NEDD4L: variants seen among roughly 807,000 people sequenced by gnomAD.
The protein encoded by NEDD4L is NEDD4 like E3 ubiquitin protein ligase.
NEDD4L carries 54 observed loss-of-function variants against 148.9 expected under a neutral mutation model. The observed-to-expected ratio is 0.36, with a 90% CI of 0.29 to 0.45. The LOEUF is 0.45. Ranked by LOEUF, NEDD4L falls within the 20% of genes least tolerant of loss-of-function variation. NEDD4L has a pLI of 1.00. For synonymous variants in NEDD4L, 433 were observed against 440.7 expected (o/e 0.98, Z 0.22); for missense variants, 856 against 1,233.8 (o/e 0.69, Z 4.59).
Position 58,044,492 on chromosome 18 carries a change from C to A in NEDD4L, c.-169C>A. 2 of 838,612 alleles carry A rather than the reference C, an allele frequency of 2.4e-6. No individual in the cohort carries two copies. Among genetic ancestry groups the A allele is most frequent in the Non-Finnish European group, 3.2e-6 (2 of 625,566 alleles). The allele number at this position is 838,612 out of a possible 1,614,324, so 51.9% of individuals were successfully genotyped here. On this transcript the variant is annotated 5_prime_UTR_variant, in exon 1 of 31. Coordinates refer to ENST00000400345, the MANE Select transcript of NEDD4L (RefSeq NM_001144967.3). ...GAAGCGGTGCCGGCAGCGTCCAGGG[C>A]GCGCTCTCGGGCACCCTCACCTGCC...
rs1475141946 is a variant in NEDD4L, at chr18:58,398,365, G to C, written c.*2096G>C. 1 of 151,930 alleles carries C rather than the reference G, an allele frequency of 6.6e-6. No homozygotes were observed. Among genetic ancestry groups the C allele is most frequent in the Non-Finnish European group, 1.5e-5 (1 of 67,994 alleles). The allele number at this position is 151,930 out of a possible 1,614,324, so 9.4% of individuals were successfully genotyped here. On this transcript the variant is annotated 3_prime_UTR_variant, in exon 31 of 31. Coordinates refer to ENST00000400345, the MANE Select transcript of NEDD4L (RefSeq NM_001144967.3). ...CGAGCAGTATGCTTTCTTGGTTTTT[G>C]AGAGTAATTGTGTAATTGTAGAGGG...
intron 24 of NEDD4L, among the ~76,000 whole-genome samples, chr18:58,375,178 G>A (rs762004718): frequency 5.3e-5 from 8 of 151,874 alleles, no homozygotes; most frequent in East Asian, 1.9e-4. Context: ...GCTGTGCCCC[G>A]TGACTCCCCG....
rs192551135 is a variant in NEDD4L, at chr18:58,170,089, G to A, written c.122+4228G>A. ...CCAACAGATTGCATGAAGTGAGCCC[G>A]TTCTTCCTCCCTCTCTCCTTCCCTC... On this transcript the variant is annotated intron_variant, in intron 2 of 30. Transcript: ENST00000400345. Among the ~76,000 whole-genome samples the A allele has an allele frequency of 7.7e-4, 117 of 152,196 alleles. 1 individual carries two copies. The highest frequency in any genetic ancestry group is 2.6e-3 in the African/African-American group (107 of 41,512).
intron 9 of NEDD4L, among the ~76,000 whole-genome samples, chr18:58,328,336 G>C (rs1358651942): frequency 6.6e-6 from 1 of 152,186 alleles, no homozygotes; most frequent in African/African-American, 2.4e-5. Flanking sequence ...AAAAAATAGG[G>C]TATGATGTTT....
chr18:58,344,067 T>C (rs1318173191), intron 16 of NEDD4L, among the ~76,000 whole-genome samples: 1 of 152,234 alleles, frequency 6.6e-6, no homozygotes, highest in East Asian at 1.9e-4. Flanking sequence ...ATGGGAATGC[T>C]GGTTGAGTTT....
chr18:58,083,230 A>G (rs1167265066), intron 1 of NEDD4L, among the ~76,000 whole-genome samples: 1 of 152,258 alleles, frequency 6.6e-6, no homozygotes, highest in African/African-American at 2.4e-5. Flanking sequence ...GGTTCACAGT[A>G]ACATGATAAT....
intron 1 of NEDD4L, among the ~76,000 whole-genome samples, chr18:58,101,524 A>G (rs2084751577): frequency 6.6e-6 from 1 of 151,930 alleles, no homozygotes; most frequent in South Asian, 2.1e-4. Context: ...TCCAATAAGT[A>G]TTTCTCGGTT....
intron 11 of NEDD4L, 112 bp from the exon 12 acceptor site, chr18:58,333,706 T>A: frequency 1.4e-6 from 1 of 736,844 alleles, no homozygotes. Flanking sequence ...TTTAATTACC[T>A]TCTAATATCG....
chr18:58,219,556 G>T (rs1182280390), intron 2 of NEDD4L, among the ~76,000 whole-genome samples: 1 of 152,156 alleles, frequency 6.6e-6, no homozygotes, highest in African/African-American at 2.4e-5. Flanking sequence ...GATGAAGCAG[G>T]ATTGGCTTCT....
intron 11 of NEDD4L, among the ~76,000 whole-genome samples, chr18:58,331,331 A>G (rs554051864): frequency 3.9e-5 from 6 of 152,210 alleles, no homozygotes; most frequent in Non-Finnish European, 7.3e-5. Flanking sequence ...CTCTTAAGTC[A>G]TATTCTGCAG....
chr18:58,287,231 A>C (rs2054059658), intron 5 of NEDD4L, among the ~76,000 whole-genome samples: 1 of 152,198 alleles, frequency 6.6e-6, no homozygotes. Context: ...ACCCAGCACG[A>C]AATTCCAGGC....
intron 1 of NEDD4L, among the ~76,000 whole-genome samples, chr18:58,123,718 C>T (rs2030449686): frequency 6.6e-6 from 1 of 152,128 alleles, no homozygotes; most frequent in African/African-American, 2.4e-5. Flanking sequence ...TCCACACCTC[C>T]CATCATTCTC....
chr18:58,342,585 C>T (rs1042776879), intron 15 of NEDD4L, among the ~76,000 whole-genome samples: 1 of 152,146 alleles, frequency 6.6e-6, no homozygotes, highest in Non-Finnish European at 1.5e-5. Context: ...AGACTGTGAG[C>T]TCATTAAGAG....
chr18:58,149,492 G>C (rs2034444525), intron 1 of NEDD4L: 4 of 1,550,838 alleles, frequency 2.6e-6, no homozygotes, highest in African/African-American at 1.4e-5. Context: ...GAGTTTTCCA[G>C]CTTTCCTTTA....
chr18:58,252,133 T>G, intron 5 of NEDD4L, 79 bp downstream of exon 5: 1 of 915,940 alleles, frequency 1.1e-6, no homozygotes, highest in South Asian at 1.3e-5. Flanking sequence ...TAAAACTCTG[T>G]GTTTATGTTG....
rs554908151 is a variant in NEDD4L at position 58,318,424 on chromosome 18, G to A, written c.348+2392G>A. Among the ~76,000 whole-genome samples the A allele has an allele frequency of 3.3e-5, 5 of 152,308 alleles. No individual in the cohort carries two copies. The South Asian group carries it at 1.0e-3, about 32-fold the overall frequency. On this transcript the variant is annotated intron_variant, in intron 6 of 30. Coordinates refer to ENST00000400345, the MANE Select transcript of NEDD4L (RefSeq NM_001144967.3). ...ACTTAAAGATTAACCCAGCATGGTG[G>A]CACATGCCTGTTGCCTCAACTGTTT... is the stretch of plus-strand genomic sequence containing the variant.
chr18:58,207,315 A>G (rs926372055), intron 2 of NEDD4L, among the ~76,000 whole-genome samples: 10 of 112,196 alleles, frequency 8.9e-5, no homozygotes, highest in African/African-American at 2.7e-4. Flanking sequence ...CTTATTTTAG[A>G]GATTTTTTTT....
At chr18:58,191,005 G>C (rs1040449533) in intron 2 of NEDD4L, among the ~76,000 whole-genome samples, 1 of 152,128 alleles carries the variant, frequency 6.6e-6, no homozygotes, top group Non-Finnish European at 1.5e-5. Flanking sequence ...CAGCTACTCA[G>C]GAAGCTGAGG....
chr18:58,053,998 G>T (rs1042702283), intron 1 of NEDD4L, among the ~76,000 whole-genome samples: 2 of 152,182 alleles, frequency 1.3e-5, no homozygotes, highest in African/African-American at 4.8e-5. Context: ...TTGGGTCAGA[G>T]GTAATGTAGG....
Sources: gnomAD v4.1 joint callset for allele counts (sites outside exome capture counted in the v4.1 genomes callset) on GRCh38, gnomAD v4.1.1 for gene constraint, MANE v1.5 for transcripts, NCBI Gene and HGNC (gene_info 2026-07-23, HGNC 2026-07-21) for gene names.